Variants in C9 observed in about 807,000 individuals in gnomAD.
C9 encodes complement component C9.
C9 carries 63 observed loss-of-function variants against 65.4 expected under a neutral mutation model. That is an observed-to-expected ratio of 0.96 (90% CI 0.79 to 1.19). The LOEUF (loss-of-function observed/expected upper bound fraction) is 1.19. C9 is among the 50% of genes most tolerant of loss of function. The pLI, the probability that C9 is intolerant of heterozygous loss-of-function variation, is 0.00. For missense variants in C9, 744 were observed against 670.1 expected (o/e 1.11, Z -1.22); for synonymous variants, 229 against 227.9 (o/e 1.00, Z -0.04).
chr5:39,326,090 T>G (rs915411529), intron 5 of C9, among the ~76,000 whole-genome samples: 1 of 152,164 alleles, frequency 6.6e-6, no homozygotes, highest in African/African-American at 2.4e-5. Context: ...TATAGAAAAT[T>G]TAGTTTGTGA....
At chr5:39,334,221 G>C (rs834903) in intron 4 of C9, among the ~76,000 whole-genome samples, 1 of 148,826 alleles carries the variant, frequency 6.7e-6, no homozygotes, top group African/African-American at 2.5e-5. Context: ...GTCTCTGCCC[G>C]GCGGCCCATC....
intron 10 of C9, 50 bp downstream of exon 10, chr5:39,288,673 C>T (rs183535709): frequency 2.1e-6 from 2 of 968,088 alleles, no homozygotes; most frequent in African/African-American, 3.2e-5. Flanking sequence ...ATTAGATAAC[C>T]CCAAAGTGCA....
chr5:39,308,138 C>G (rs1753412742), intron 8 of C9, 92 bp downstream of exon 8: 1 of 1,168,148 alleles, frequency 8.6e-7, no homozygotes, highest in African/African-American at 1.5e-5. Flanking sequence ...ACAAAGAGGA[C>G]AGACAATTAA....
chr5:39,304,157 A>G (rs144312186), intron 9 of C9, among the ~76,000 whole-genome samples: 1,693 of 152,222 alleles, frequency 0.011, 34 homozygotes, highest in African/African-American at 0.038. Flanking sequence ...GTTACAGGTC[A>G]TTTTGGTTAA....
At chr5:39,347,261 A>G (rs189738137) in intron 1 of C9, among the ~76,000 whole-genome samples, 10 of 152,290 alleles carry the variant, frequency 6.6e-5, no homozygotes, top group African/African-American at 2.4e-4. Flanking sequence ...ACGACTGTAT[A>G]TTGAGAAAAC....
chr5:39,346,075 T>A (rs1018047340), intron 1 of C9, among the ~76,000 whole-genome samples: 7 of 152,076 alleles, frequency 4.6e-5, no homozygotes, highest in African/African-American at 1.7e-4. Context: ...GCAGGAAAGA[T>A]CTAAAATTGA....
Position 39,342,092 on chromosome 5 carries a change from AT to A in C9, c.181del (p.Met61CysfsTer53), listed in dbSNP as rs1754097577. ...WSQCDPCLRQ[M>X]FRSRSIEVFG... The stretch of plus-strand genomic sequence containing the variant: ...TGGGGAAGGGAGATGAACACTTACC[AT>A]TTGTCTGAGACAAGGATCGCATTGT... On this transcript the variant is annotated frameshift_variant and splice_region_variant, in exon 2 of 11. Transcript: ENST00000263408. LOFTEE classifies it high-confidence loss of function. 1 of 1,543,048 alleles carries A rather than the reference AT, an allele frequency of 6.5e-7. No individual in the cohort carries two copies. Among genetic ancestry groups the A allele is most frequent in the Non-Finnish European group, 9.0e-7 (1 of 1,115,134 alleles).
intron 5 of C9, among the ~76,000 whole-genome samples, chr5:39,320,777 GAGA>G (rs1483071329): frequency 5.9e-5 from 9 of 152,078 alleles, no homozygotes; most frequent in Non-Finnish European, 1.0e-4. Context: ...TTGAAAACAA[GAGA>G]AGAACAACTC....
chr5:39,329,028 G>C (rs773759442), intron 5 of C9, among the ~76,000 whole-genome samples: 4 of 152,152 alleles, frequency 2.6e-5, no homozygotes, highest in Non-Finnish European at 5.9e-5. Context: ...CATTTTCATG[G>C]AGACTCAGAT....
chr5:39,346,097 C>A (rs1011307002), intron 1 of C9, among the ~76,000 whole-genome samples: 4 of 152,088 alleles, frequency 2.6e-5, no homozygotes, highest in African/African-American at 9.7e-5. Context: ...ACCCTAACAT[C>A]ACAATTAAAA....
intron 10 of C9, among the ~76,000 whole-genome samples, chr5:39,286,204 C>T (rs1031751942): frequency 2.0e-5 from 3 of 151,984 alleles, no homozygotes; most frequent in Admixed American, 6.6e-5. Flanking sequence ...ATAGGACCTC[C>T]TAAGAAACAA....
At chr5:39,297,099 C>T (rs1210152923) in intron 9 of C9, among the ~76,000 whole-genome samples, 1 of 151,568 alleles carries the variant, frequency 6.6e-6, no homozygotes, top group Admixed American at 6.6e-5. Context: ...TGTAGGATTA[C>T]TATAGTTAAT....
In C9 at chr5:39,341,133, G is replaced by A. The variant is rs750710307; in HGVS notation, c.476+13C>T. The A allele has an allele frequency of 3.7e-6, 6 of 1,613,906 alleles. No individual in the cohort carries two copies. Among genetic ancestry groups the A allele is most frequent in the Admixed American group, 1.7e-5 (1 of 60,018 alleles). ...CTCATTTTCATCTGAAAAAGTACAA[G>A]TAAAATACACACCCATAGCCTGCTG... On this transcript the variant is annotated intron_variant, in intron 4 of 10. Transcript: ENST00000263408.
At chr5:39,311,429 C>A (rs777737225) in intron 6 of C9, 52 bp from the exon 7 acceptor site, 1 of 1,585,466 alleles carries the variant, frequency 6.3e-7, no homozygotes, top group Admixed American at 1.7e-5. Flanking sequence ...TCCACCATTT[C>A]AAATGAAAAT....
At chr5:39,359,806 T>G (rs2111990792) in intron 1 of C9, among the ~76,000 whole-genome samples, 1 of 152,354 alleles carries the variant, frequency 6.6e-6, no homozygotes, top group South Asian at 2.1e-4. Flanking sequence ...CATTCCTCAC[T>G]AGATTGTAAG....
chr5:39,351,590 C>T (rs1044972257), intron 1 of C9, among the ~76,000 whole-genome samples: 3 of 152,204 alleles, frequency 2.0e-5, no homozygotes, highest in African/African-American at 7.2e-5. Context: ...CTTAAGTCAT[C>T]TCTCTCAAGT....
chr5:39,311,183 G>C lies in C9; in HGVS notation c.1065C>G (p.Leu355=), dbSNP rs35460483. The change falls in exon 7 of 11, where the codon CTC becomes CTG. Residue 355 remains leucine (L), a synonymous_variant. Transcript: ENST00000263408. ...HYSSSGSLGG[L]YELIYVLDKA... ...TATCCAAAACATATATTAGTTCATA[G>C]AGTCCTCCTAGAGACCCAGAGCTAC... 4,051 of 1,613,078 alleles carry C rather than the reference G, an allele frequency of 2.5e-3. 95 individuals are homozygous for C. The African/African-American group carries it at 0.047, about 19-fold the overall frequency.
At chr5:39,306,936 G>A (rs1753392157) in intron 8 of C9, 144 bp from the exon 9 acceptor site, 3 of 621,222 alleles carry the variant, frequency 4.8e-6, no homozygotes, top group Admixed American at 3.0e-5. Flanking sequence ...TGTAAATATT[G>A]CTTATGCATT....
intron 9 of C9, among the ~76,000 whole-genome samples, chr5:39,297,178 A>G (rs1486464467): frequency 6.6e-6 from 1 of 151,620 alleles, no homozygotes; most frequent in Non-Finnish European, 1.5e-5. Flanking sequence ...AACACAAATA[A>G]ATGACAAATG....
Sources: allele counts gnomAD v4.1 joint callset (sites outside exome capture counted in the v4.1 genomes callset), GRCh38; gene constraint gnomAD v4.1.1; transcripts MANE v1.5; gene names NCBI Gene and HGNC (gene_info 2026-07-23, HGNC 2026-07-21).